The following CERK variants were observed in gnomAD, a reference collection of about 807,000 sequenced individuals.
The protein encoded by CERK is ceramide kinase.
A neutral mutation model predicts 63.4 loss-of-function variants in CERK; 39 were observed. The ratio of observed to expected loss-of-function variants is 0.61; its 90% CI spans 0.48 to 0.80. The LOEUF is 0.80. Among genes scored for constraint, CERK ranks in the 30% least tolerant of loss-of-function variants. The pLI, the probability that CERK is intolerant of heterozygous loss-of-function variation, is 0.00. For missense variants in CERK, 670 were observed against 714.1 expected (o/e 0.94, Z 0.70); for synonymous variants, 302 against 280.0 (o/e 1.08, Z -0.78).
chr22:46,738,049 A>C lies in CERK; in HGVS notation c.100T>G (p.Trp34Gly). The change falls in exon 1 of 13, where the codon TGG becomes GGG. Residue 34 changes from tryptophan (W) to glycine (G), a missense_variant. Coordinates refer to ENST00000216264, the MANE Select transcript of CERK (RefSeq NM_022766.6). ...SLEPARALLRWWRSPGPGAGA... is the reference protein window; with the variant it reads ...SLEPARALLRGWRSPGPGAGA... ...GCTCCGGGCCCCGGGCTCCGCCACC[A>C]GCGCAGCAGAGCCCGCGCGGGCTCC... 1 of 1,219,048 alleles carries C rather than the reference A, an allele frequency of 8.2e-7. No individual in the cohort carries two copies. Among genetic ancestry groups the C allele is most frequent in the Non-Finnish European group, 1.0e-6 (1 of 978,946 alleles). The allele number at this position is 1,219,048 out of a possible 1,614,324, so 75.5% of individuals were successfully genotyped here.
At chr22:46,725,108 G>A (rs2082911927) in intron 1 of CERK, among the ~76,000 whole-genome samples, 1 of 152,158 alleles carries the variant, frequency 6.6e-6, no homozygotes, top group Non-Finnish European at 1.5e-5. Flanking sequence ...GTTAAGCTGA[G>A]GACTCCACAG....
chr22:46,713,508 CA>C (rs34168827), intron 3 of CERK, among the ~76,000 whole-genome samples: 3,744 of 74,170 alleles, frequency 0.05, 160 homozygotes, highest in African/African-American at 0.17. Flanking sequence ...GACTTCATCT[CA>C]AAAAAAAAAA....
intron 5 of CERK, among the ~76,000 whole-genome samples, chr22:46,708,394 G>C (rs570829547): frequency 6.6e-5 from 10 of 152,350 alleles, no homozygotes; most frequent in Non-Finnish European, 1.5e-4. Context: ...TGCGGGAGAG[G>C]CACAGCAGTC....
intron 6 of CERK, 91 bp downstream of exon 6, chr22:46,707,752 G>A: frequency 7.2e-7 from 1 of 1,391,052 alleles, no homozygotes; most frequent in Non-Finnish European, 9.9e-7. Context: ...GAGTATAATT[G>A]GGTTATTAAG....
intron 6 of CERK, among the ~76,000 whole-genome samples, chr22:46,704,890 G>C (rs1468164168): frequency 1.3e-5 from 2 of 151,380 alleles, no homozygotes. Context: ...GACTAAGCAA[G>C]GGAAAGGAAG....
At chr22:46,729,613 C>T (rs1201687010) in intron 1 of CERK, among the ~76,000 whole-genome samples, 2 of 151,920 alleles carry the variant, frequency 1.3e-5, no homozygotes, top group African/African-American at 4.8e-5. Context: ...AAATAATGTA[C>T]CAAATATCCA....
At chr22:46,703,475 C>A (rs1569322537) in intron 6 of CERK, among the ~76,000 whole-genome samples, 1 of 152,196 alleles carries the variant, frequency 6.6e-6, no homozygotes, top group Non-Finnish European at 1.5e-5. Flanking sequence ...ATCCAGGCGG[C>A]CTCCCACAGG....
chr22:46,695,223 G>A lies in CERK; in HGVS notation c.1036C>T (p.Pro346Ser), dbSNP rs2082750118. 3 of 1,582,240 alleles carry A rather than the reference G, an allele frequency of 1.9e-6. No homozygotes were observed. Among genetic ancestry groups the A allele is most frequent in the East Asian group, 2.2e-5 (1 of 44,704 alleles). Reference sequence around the variant, plus strand: ...CAATGCACTTACCCTGCCCGGCAGGGCTTCCTATCCCTTGGAGATCCCACC... The same window carrying A: ...CAATGCACTTACCCTGCCCGGCAGGACTTCCTATCCCTTGGAGATCCCACC... ...HTVGSPRDRK[P>S]CRAGCFVCRQ... Residue 346 changes from proline to serine, a missense_variant, in exon 9 of 13, where the codon CCC becomes TCC. Transcript: ENST00000216264.
chr22:46,701,782 G>T, intron 6 of CERK, 72 bp from the exon 7 acceptor site: 1 of 1,098,522 alleles, frequency 9.1e-7, no homozygotes, highest in Non-Finnish European at 1.3e-6. Flanking sequence ...AATTCAGTGA[G>T]TGGTACCTCA....
At chr22:46,712,852 T>C (rs962065554) in intron 3 of CERK, among the ~76,000 whole-genome samples, 5 of 150,390 alleles carry the variant, frequency 3.3e-5, no homozygotes, top group African/African-American at 7.3e-5. Flanking sequence ...CTTTTCTTTT[T>C]TTTTTTTTTT....
At chr22:46,732,788 C>G (rs190144646) in intron 1 of CERK, among the ~76,000 whole-genome samples, 11 of 152,286 alleles carry the variant, frequency 7.2e-5, no homozygotes, top group African/African-American at 2.2e-4. Flanking sequence ...AGTATCTACT[C>G]AGACGCTCAG....
chr22:46,720,033 G>T, intron 3 of CERK, 53 bp downstream of exon 3: 3 of 1,591,290 alleles, frequency 1.9e-6, no homozygotes. Context: ...ACCCAATCAG[G>T]CATGCGCATG....
chr22:46,738,089 GCGCTGCTGCTT>G lies in CERK; in HGVS notation c.49_59del (p.Lys17LeufsTer36). On this transcript the variant is annotated frameshift_variant, in exon 1 of 13. Coordinates refer to ENST00000216264, the MANE Select transcript of CERK (RefSeq NM_022766.6). LOFTEE classifies it high-confidence loss of function. The stretch of plus-strand genomic sequence containing the variant: ...GCGCGGGCTCCAGGCTCACGGCGCA[GCGCTGCTGCTT>G]CACCCACAGCACGGATTGCAGCGGC... The G allele has an allele frequency of 7.8e-7, 1 of 1,290,290 alleles. No individual in the cohort carries two copies. Among genetic ancestry groups the G allele is most frequent in the Non-Finnish European group, 9.9e-7 (1 of 1,011,366 alleles). 79.9% of individuals were successfully genotyped at this position (1,290,290 alleles called of 1,614,324 possible).
At chr22:46,737,300 A>AC (rs1555990810) in intron 1 of CERK, among the ~76,000 whole-genome samples, 5 of 150,098 alleles carry the variant, frequency 3.3e-5, no homozygotes, top group East Asian at 2.0e-4. Flanking sequence ...TCAAAAAAAA[A>AC]AAAAAACAAA....
At chr22:46,711,916 C>T (rs919779011) in intron 4 of CERK, among the ~76,000 whole-genome samples, 1 of 152,074 alleles carries the variant, frequency 6.6e-6, no homozygotes, top group African/African-American at 2.4e-5. Context: ...GGTGAAACCC[C>T]GCCTATACAA....
rs9616098 is a variant in CERK at position 46,695,334 on chromosome 22, G to A, written c.944-19C>T. ...TTTAAACCTGGGAACAGAGTGCAGTGAAGAAAAAACATCCACAAGGGTCAT... is the reference window on the plus strand; with the variant it reads ...TTTAAACCTGGGAACAGAGTGCAGTAAAGAAAAAACATCCACAAGGGTCAT... On this transcript the variant is annotated intron_variant, in intron 8 of 12. Transcript: ENST00000216264. 24,321 of 1,413,760 alleles carry A rather than the reference G, an allele frequency of 0.017. 285 individuals carry two copies. The highest frequency in any genetic ancestry group is 0.03 in the South Asian group (2,597 of 87,076). The allele number at this position is 1,413,760 out of a possible 1,614,324, so 87.6% of individuals were successfully genotyped here.
At chr22:46,722,853 TG>T (rs1219340575) in intron 1 of CERK, among the ~76,000 whole-genome samples, 3 of 152,046 alleles carry the variant, frequency 2.0e-5, no homozygotes, top group Non-Finnish European at 4.4e-5. Flanking sequence ...ACACAGGTGC[TG>T]GGGCAGGGAG....
chr22:46,712,847 CTT>C (rs11312593), intron 3 of CERK, among the ~76,000 whole-genome samples: 159 of 125,686 alleles, frequency 1.3e-3, no homozygotes, highest in Non-Finnish European at 1.4e-3. Flanking sequence ...CTTTTCTTTT[CTT>C]TTTTTTTTTT....
Position 46,737,988 on chromosome 22 carries a change from GGGC to G in CERK, c.142+16_142+18del. ...TCCCTGGCCAGGTCCGGCCGAACCC[GGGC>G]GGCGGCGACACTCACCCGCGCCGGG... On this transcript the variant is annotated intron_variant, in intron 1 of 12. Transcript: ENST00000216264. 1 of 1,167,910 alleles carries G rather than the reference GGGC, an allele frequency of 8.6e-7. No individual in the cohort carries two copies. The highest frequency in any genetic ancestry group is 1.1e-6 in the Non-Finnish European group (1 of 948,724). The allele number at this position is 1,167,910 out of a possible 1,614,324, so 72.3% of individuals were successfully genotyped here.
Sources: allele counts gnomAD v4.1 joint callset (sites outside exome capture counted in the v4.1 genomes callset), GRCh38; gene constraint gnomAD v4.1.1; transcripts MANE v1.5; gene names NCBI Gene and HGNC (gene_info 2026-07-23, HGNC 2026-07-21).